The following CCT6B variants were observed in gnomAD, a reference collection of about 807,000 sequenced individuals.
CCT6B encodes probable T-complex protein 1 subunit zeta-2.
CCT6B carries 49 observed loss-of-function variants against 61.5 expected under a neutral mutation model. The observed-to-expected ratio is 0.80, with a 90% confidence interval of 0.63 to 1.01. The LOEUF is 1.01. Ranked by LOEUF, CCT6B falls within the 50% of genes least tolerant of loss-of-function variation. The pLI, the probability that CCT6B is intolerant of heterozygous loss-of-function variation, is 0.00. For synonymous variants in CCT6B, 228 were observed against 214.5 expected, an observed-to-expected ratio of 1.06 and a Z score of -0.55; for missense variants, 666 against 634.7, an observed-to-expected ratio of 1.05 and a Z score of -0.53.
intron 10 of CCT6B, among the ~76,000 whole-genome samples, chr17:34,935,924 CGTGT>C (rs113723835): frequency 4.7e-4 from 70 of 147,840 alleles, no homozygotes; most frequent in Admixed American, 2.6e-3. Context: ...CATTTATTCT[CGTGT>C]GTGTGTGTGT....
intron 5 of CCT6B, among the ~76,000 whole-genome samples, chr17:34,951,472 T>C (rs2090291386): frequency 1.3e-5 from 2 of 152,222 alleles, no homozygotes; most frequent in African/African-American, 4.8e-5. Flanking sequence ...TTTTCTATAA[T>C]ACAAAGTTTT....
intron 13 of CCT6B, 74 bp downstream of exon 13, chr17:34,928,888 A>C (rs1351677073): frequency 1.1e-6 from 1 of 883,224 alleles, no homozygotes; most frequent in Non-Finnish European, 1.8e-6. Context: ...GACAAAAATA[A>C]TAGAAAAAAT....
Position 34,958,465 on chromosome 17 carries a change from TAAAAC to T in CCT6B, c.336+90_336+94del, listed in dbSNP as rs947003842. 22 of 679,198 alleles carry T rather than the reference TAAAAC, an allele frequency of 3.2e-5. No homozygotes were observed. In the African/African-American group the frequency reaches 4.1e-4, roughly 13 times the overall value. The allele number at this position is 679,198 out of a possible 1,614,324, so 42.1% of individuals were successfully genotyped here. A position where few individuals can be genotyped will look rare whatever the true frequency, so the allele number is the denominator to read the frequency against. ...TCTCAAAATTAATTAATTAATTAAT[TAAAAC>T]AAAATTAACTGTCTAAAACTCAACC... On this transcript the variant is annotated intron_variant, in intron 3 of 13. Transcript: ENST00000314144.
chr17:34,951,093 C>T (rs773651266), intron 5 of CCT6B, among the ~76,000 whole-genome samples: 61 of 151,982 alleles, frequency 4.0e-4, no homozygotes, highest in Non-Finnish European at 5.9e-4. Context: ...TTAACAGAGA[C>T]TAAAAGAGAT....
chr17:34,942,677 A>G, intron 6 of CCT6B, 34 bp from the exon 7 acceptor site: 1 of 1,542,270 alleles, frequency 6.5e-7, no homozygotes, highest in Non-Finnish European at 8.8e-7. Context: ...TAGTAAAGGC[A>G]GGAGGAAAAA....
chr17:34,943,121 ATCCTCCTGCCTCAGCC>A (rs2090185148), intron 5 of CCT6B: 2 of 425,286 alleles, frequency 4.7e-6, no homozygotes, highest in Non-Finnish European at 8.4e-6. Context: ...GGCTCAAGCA[ATCCTCCTGCCTCAGCC>A]TCCCAAGTAG....
intron 10 of CCT6B, among the ~76,000 whole-genome samples, chr17:34,935,156 G>A (rs181192109): frequency 6.6e-6 from 1 of 152,244 alleles, no homozygotes; most frequent in Admixed American, 6.5e-5. Flanking sequence ...CCAGACAAAG[G>A]ACAAAAACTG....
In CCT6B at chr17:34,961,143, G is replaced by A. The variant is rs375560269; in HGVS notation, c.137+114C>T. ...ACCCCCAGAGCAGGGATGAGAATGA[G>A]GGAAATCAAGCTCGCAAGAACATCC... On this transcript the variant is annotated intron_variant, in intron 1 of 13. Coordinates refer to ENST00000314144, the MANE Select transcript of CCT6B (RefSeq NM_006584.4). 2.3e-4 allele frequency: 307 copies of A among 1,324,680 alleles called. 1 individual carries two copies. In the African/African-American group the frequency reaches 4.1e-3, roughly 18 times the overall value. The allele number at this position is 1,324,680 out of a possible 1,614,324, so 82.1% of individuals were successfully genotyped here. A position where few individuals can be genotyped will look rare whatever the true frequency, so the allele number is the denominator to read the frequency against.
intron 4 of CCT6B, 41 bp from the exon 5 acceptor site, chr17:34,952,094 T>A: frequency 7.9e-7 from 1 of 1,259,708 alleles, no homozygotes; most frequent in South Asian, 1.3e-5. Context: ...TTATTTGGAC[T>A]ACTAAAATAA....
At chr17:34,939,075 CTCTG>C (rs1333187625) in intron 10 of CCT6B, 104 bp downstream of exon 10, 1 of 928,194 alleles carries the variant, frequency 1.1e-6, no homozygotes, top group Non-Finnish European at 1.6e-6. Context: ...CAGAGGAAGA[CTCTG>C]TCTAAAAATA....
intron 1 of CCT6B, among the ~76,000 whole-genome samples, chr17:34,960,624 G>A (rs117013926): frequency 2.0e-5 from 3 of 152,270 alleles, no homozygotes; most frequent in Non-Finnish European, 4.4e-5. Context: ...GATCATTTCT[G>A]TGTCCCAACA....
At chr17:34,932,570 G>T in intron 10 of CCT6B, 70 bp from the exon 11 acceptor site, 1 of 1,375,752 alleles carries the variant, frequency 7.3e-7, no homozygotes, top group Non-Finnish European at 9.9e-7. Context: ...AGACAGAAAA[G>T]CAATTCACTA....
chr17:34,959,288 A>C (rs62064822), intron 2 of CCT6B, among the ~76,000 whole-genome samples: 1 of 149,380 alleles, frequency 6.7e-6, no homozygotes, highest in South Asian at 2.1e-4. Flanking sequence ...CACACTGAGC[A>C]AAATTTTTTT....
chr17:34,932,394 A>C lies in CCT6B; in HGVS notation c.1320T>G (p.Phe440Leu). ...TGGGAATAATGAGTAAGGCATCAGC[A>C]AAAGCTTGGACTCCAAGACGAGCTC... ...KGRARLGVQA[F>L]ADALLIIPKV... The change falls in exon 11 of 14, where the codon TTT (phenylalanine) becomes TTG (leucine). Residue 440 changes from phenylalanine to leucine, a missense_variant. Coordinates refer to ENST00000314144, the MANE Select transcript of CCT6B (RefSeq NM_006584.4). 6.2e-7 allele frequency: 1 copy of C among 1,611,604 alleles called. No individual in the cohort carries two copies. Among genetic ancestry groups the C allele is most frequent in the Non-Finnish European group, 8.5e-7 (1 of 1,179,074 alleles).
chr17:34,943,869 G>A (rs939479453), intron 5 of CCT6B: 10 of 151,534 alleles, frequency 6.6e-5, no homozygotes, highest in African/African-American at 2.4e-4. Context: ...TGGGTAGTAG[G>A]AATATAGATG....
At chr17:34,928,551 G>A (rs894225190) in intron 13 of CCT6B, among the ~76,000 whole-genome samples, 3 of 152,178 alleles carry the variant, frequency 2.0e-5, no homozygotes, top group Non-Finnish European at 4.4e-5. Flanking sequence ...GGGATTACGG[G>A]TGTGAGCCAC....
intron 5 of CCT6B, among the ~76,000 whole-genome samples, chr17:34,945,972 T>G (rs551446012): frequency 1.4e-4 from 22 of 152,274 alleles, no homozygotes; most frequent in Non-Finnish European, 2.9e-4. Context: ...GTCTTCACAA[T>G]GAGAAGAAAA....
intron 10 of CCT6B, among the ~76,000 whole-genome samples, chr17:34,936,068 A>G (rs2090090449): frequency 1.3e-5 from 2 of 152,088 alleles, no homozygotes; most frequent in African/African-American, 4.8e-5. Context: ...CTCCTGCCTC[A>G]GCCTCACGAG....
intron 5 of CCT6B, 66 bp from the exon 6 acceptor site, chr17:34,942,972 T>C (rs1438675672): frequency 6.6e-5 from 58 of 882,680 alleles, no homozygotes; most frequent in Non-Finnish European, 3.7e-5. Context: ...AAATTATCAT[T>C]GTACTATTAA....
Sources: allele counts gnomAD v4.1 joint callset (sites outside exome capture counted in the v4.1 genomes callset), GRCh38; gene constraint gnomAD v4.1.1; transcripts MANE v1.5; gene names NCBI Gene and HGNC (gene_info 2026-07-23, HGNC 2026-07-21).